The following ADGRB3 variants were observed in gnomAD, a reference collection of about 807,000 sequenced individuals.
ADGRB3 encodes the protein adhesion G protein-coupled receptor B3, also known as brain-specific angiogenesis inhibitor 3.
Under a neutral mutation model 193.4 loss-of-function variants are expected in ADGRB3, and 37 were observed. The ratio of observed to expected loss-of-function variants is 0.19; its 90% CI spans 0.15 to 0.25. ADGRB3 has a LOEUF of 0.25. Ranked by LOEUF, ADGRB3 falls within the 10% of genes least tolerant of loss-of-function variation. ADGRB3 has a pLI of 1.00. For synonymous variants in ADGRB3, 690 were observed against 644.2 expected (o/e 1.07, Z -1.08); for missense variants, 1,637 against 1,852.9 (o/e 0.88, Z 2.14).
At chr6:69,213,920 A>G (rs1384216969) in intron 17 of ADGRB3, among the ~76,000 whole-genome samples, 1 of 152,202 alleles carries the variant, frequency 6.6e-6, no homozygotes, top group African/African-American at 2.4e-5. Flanking sequence ...GATTCCAAAT[A>G]GAATAATATG....
chr6:69,338,353 T>C (rs1582641499), intron 24 of ADGRB3, among the ~76,000 whole-genome samples: 1 of 152,308 alleles, frequency 6.6e-6, no homozygotes, highest in East Asian at 1.9e-4. Context: ...ATTCAGATCA[T>C]CCTAAAATGT....
At position 69,056,559 on chromosome 6, in the gene ADGRB3, G is replaced by T. The variant is rs760071438; in HGVS notation, c.2334-6375G>T. ...GTGTCATCTCCAAGTTCAATGATTT[G>T]AATGTATTTCTCTATGTTTTCTTTT... On this transcript the variant is annotated intron_variant, in intron 15 of 31. Transcript: ENST00000370598. Among the ~76,000 whole-genome samples, 20 of 151,978 alleles carry T rather than the reference G, an allele frequency of 1.3e-4. 1 individual carries two copies. The highest frequency in any genetic ancestry group is 8.5e-4 in the Admixed American group (13 of 15,256).
chr6:68,938,598 C>A (rs1767549702), intron 5 of ADGRB3, among the ~76,000 whole-genome samples: 1 of 151,840 alleles, frequency 6.6e-6, no homozygotes, highest in Non-Finnish European at 1.5e-5. Flanking sequence ...TAGTCATTAA[C>A]CATAGTCACC....
intron 17 of ADGRB3, among the ~76,000 whole-genome samples, chr6:69,090,576 G>T (rs1055118372): frequency 4.0e-5 from 6 of 151,788 alleles, no homozygotes; most frequent in African/African-American, 1.5e-4. Context: ...CCATTCATTG[G>T]GTACCCAAAA....
intron 17 of ADGRB3, among the ~76,000 whole-genome samples, chr6:69,121,852 C>T (rs1773704658): frequency 2.0e-5 from 3 of 151,244 alleles, no homozygotes; most frequent in Non-Finnish European, 4.4e-5. Flanking sequence ...CCTCACCTCC[C>T]AGATGGGGTG....
intron 20 of ADGRB3, among the ~76,000 whole-genome samples, chr6:69,298,466 ACTG>A (rs1767877595): frequency 6.6e-6 from 1 of 152,028 alleles, no homozygotes; most frequent in Non-Finnish European, 1.5e-5. Context: ...CTGTTGTGCT[ACTG>A]AACACTAAAT....
chr6:69,312,639 T>C (rs1335591197), intron 20 of ADGRB3, among the ~76,000 whole-genome samples: 1 of 151,724 alleles, frequency 6.6e-6, no homozygotes, highest in Non-Finnish European at 1.5e-5. Flanking sequence ...GATTAAATGA[T>C]AGCCTGCCTT....
chr6:69,263,060 T>A (rs1766964773), intron 20 of ADGRB3, among the ~76,000 whole-genome samples: 1 of 151,988 alleles, frequency 6.6e-6, no homozygotes, highest in Admixed American at 6.6e-5. Context: ...AAGGTCAAAA[T>A]TGAGGTTACC....
chr6:68,666,431 C>G (rs1768803633), intron 3 of ADGRB3, among the ~76,000 whole-genome samples: 1 of 151,774 alleles, frequency 6.6e-6, no homozygotes, highest in Admixed American at 6.6e-5. Context: ...CAAATGGGTC[C>G]TTTTTCAATC....
chr6:69,204,590 C>G (rs548091415), intron 17 of ADGRB3, among the ~76,000 whole-genome samples: 64 of 152,278 alleles, frequency 4.2e-4, no homozygotes, highest in African/African-American at 1.5e-3. Context: ...CATCCCTCCA[C>G]TCTTTCCAAT....
intron 8 of ADGRB3, among the ~76,000 whole-genome samples, chr6:68,958,764 C>T (rs542278842): frequency 8.6e-5 from 13 of 151,710 alleles, no homozygotes; most frequent in Non-Finnish European, 1.9e-4. Flanking sequence ...TGAAAATAAC[C>T]ATAAATTACT....
chr6:68,801,271 G>A (rs1767305296), intron 3 of ADGRB3, among the ~76,000 whole-genome samples: 2 of 152,150 alleles, frequency 1.3e-5, no homozygotes, highest in South Asian at 4.1e-4. Flanking sequence ...TACTCTTAGA[G>A]GCTGTAAGTA....
intron 20 of ADGRB3, among the ~76,000 whole-genome samples, chr6:69,310,363 G>T (rs184342945): frequency 1.6e-4 from 24 of 151,806 alleles, no homozygotes; most frequent in Admixed American, 9.2e-4. Flanking sequence ...AGAGGTTATT[G>T]TGTAATATAC....
chr6:69,182,135 C>G (rs531361111), intron 17 of ADGRB3, among the ~76,000 whole-genome samples: 1 of 152,048 alleles, frequency 6.6e-6, no homozygotes, highest in East Asian at 1.9e-4. Flanking sequence ...ACAGATGCAC[C>G]CATGAGACAG....
intron 27 of ADGRB3, 35 bp downstream of exon 27, chr6:69,354,363 TC>T: frequency 1.3e-6 from 2 of 1,509,852 alleles, no homozygotes; most frequent in Non-Finnish European, 1.8e-6. Context: ...GTTAATTAAC[TC>T]ATGATTTCTC....
chr6:69,110,929 C>T (rs1773349179), intron 17 of ADGRB3, among the ~76,000 whole-genome samples: 1 of 152,098 alleles, frequency 6.6e-6, no homozygotes, highest in Admixed American at 6.6e-5. Flanking sequence ...AAATAGAGCC[C>T]ATCTAGGAAA....
At chr6:69,129,423 A>C (rs984859336) in intron 17 of ADGRB3, among the ~76,000 whole-genome samples, 1 of 152,168 alleles carries the variant, frequency 6.6e-6, no homozygotes, top group African/African-American at 2.4e-5. Context: ...GATGAAGAAC[A>C]AAATAAGGTC....
chr6:68,758,861 T>TA (rs1256837449), intron 3 of ADGRB3, among the ~76,000 whole-genome samples: 1 of 152,152 alleles, frequency 6.6e-6, no homozygotes, highest in Non-Finnish European at 1.5e-5. Flanking sequence ...AAAACTGCTT[T>TA]AGGATAACTA....
At chr6:69,333,941 TAAA>T (rs1217331572) in intron 24 of ADGRB3, among the ~76,000 whole-genome samples, 1 of 1,026 alleles carries the variant, frequency 9.7e-4, no homozygotes, top group Admixed American at 0.016. Context: ...AAAAACAAAA[TAAA>T]ATAAAATAAA....
Sources: allele counts gnomAD v4.1 joint callset (sites outside exome capture counted in the v4.1 genomes callset), GRCh38; gene constraint gnomAD v4.1.1; transcripts MANE v1.5; gene names NCBI Gene and HGNC (gene_info 2026-07-23, HGNC 2026-07-21).